The following EPHB1 variants were observed in gnomAD, a reference collection of about 807,000 sequenced individuals.
EPHB1 encodes the protein EPH receptor B1.
In EPHB1, 30 loss-of-function variants were observed where a neutral mutation model predicts 94.4. The ratio of observed to expected loss-of-function variants is 0.32; its 90% confidence interval spans 0.24 to 0.43. The LOEUF is 0.43. Among genes scored for constraint, EPHB1 ranks in the 20% least tolerant of loss-of-function variants. The pLI is 1.00. For synonymous variants in EPHB1, 522 were observed against 489.1 expected, an observed-to-expected ratio of 1.07 and a Z score of -0.89; for missense variants, 1,055 against 1,308.3, an observed-to-expected ratio of 0.81 and a Z score of 2.99.
At chr3:135,148,003 C>A (rs72979522) in intron 5 of EPHB1, among the ~76,000 whole-genome samples, 1 of 152,140 alleles carries the variant, frequency 6.6e-6, no homozygotes, top group Non-Finnish European at 1.5e-5. Context: ...AGTGTATGTA[C>A]GTTAATTTTA....
intron 1 of EPHB1, among the ~76,000 whole-genome samples, chr3:134,869,711 TTAGC>T (rs2037458912): frequency 6.6e-6 from 1 of 151,620 alleles, no homozygotes; most frequent in Non-Finnish European, 1.5e-5. Flanking sequence ...TTCTGATCTT[TTAGC>T]TTTGTCTTAC....
At chr3:134,928,565 A>C (rs556163446) in intron 2 of EPHB1, among the ~76,000 whole-genome samples, 1 of 152,324 alleles carries the variant, frequency 6.6e-6, no homozygotes, top group African/African-American at 2.4e-5. Flanking sequence ...CAGAGGACAC[A>C]GGAGGAGGAG....
intron 3 of EPHB1, among the ~76,000 whole-genome samples, chr3:135,037,009 AAGAT>A (rs1269085198): frequency 2.0e-5 from 3 of 152,082 alleles, no homozygotes. Context: ...GACTACCGAG[AAGAT>A]AGATGGATTG....
chr3:135,149,774 G>A (rs746368565), intron 5 of EPHB1, among the ~76,000 whole-genome samples: 7 of 152,186 alleles, frequency 4.6e-5, no homozygotes, highest in Non-Finnish European at 1.0e-4. Context: ...CTTCCACAGG[G>A]CCTGTAACCC....
At chr3:134,952,371 TCACACACA>T in intron 3 of EPHB1, among the ~76,000 whole-genome samples, 1 of 148,310 alleles carries the variant, frequency 6.7e-6, no homozygotes, top group East Asian at 2.0e-4. Context: ...TCTCTCTCTC[TCACACACA>T]CACACACACA....
At chr3:135,234,292 G>A (rs1943599236) in intron 12 of EPHB1, among the ~76,000 whole-genome samples, 1 of 152,154 alleles carries the variant, frequency 6.6e-6, no homozygotes, top group African/African-American at 2.4e-5. Context: ...CTAAAGCACA[G>A]CAAAAGTCAC....
At chr3:134,950,147 A>G (rs1057196884) in intron 2 of EPHB1, among the ~76,000 whole-genome samples, 7 of 152,234 alleles carry the variant, frequency 4.6e-5, no homozygotes, top group African/African-American at 9.6e-5. Context: ...AGTTGCTGGG[A>G]ATAGTGAAAG....
Position 135,039,614 on chromosome 3 carries a change from C to T in EPHB1, c.806-66834C>T, listed in dbSNP as rs531126300. The stretch of plus-strand genomic sequence containing the variant: ...AGGCCCGGCGAGAAATCGAGCACAG[C>T]GCCAGTGGGCCGGCACTGCTGGTGG... On this transcript the variant is annotated intron_variant, in intron 3 of 15. Transcript: ENST00000398015. 3.4e-4 allele frequency among the ~76,000 whole-genome samples: 52 copies of T among 152,352 alleles called. No homozygotes were observed. The Middle Eastern group carries it at 0.01, about 30-fold the overall frequency.
intron 3 of EPHB1, among the ~76,000 whole-genome samples, chr3:134,995,575 A>G (rs1425407106): frequency 6.6e-6 from 1 of 152,232 alleles, no homozygotes; most frequent in Non-Finnish European, 1.5e-5. Flanking sequence ...ATTAAGACAA[A>G]TGCAAATTAA....
At chr3:134,999,502 G>A (rs1935106479) in intron 3 of EPHB1, among the ~76,000 whole-genome samples, 1 of 152,216 alleles carries the variant, frequency 6.6e-6, no homozygotes, top group Non-Finnish European at 1.5e-5. Context: ...CAAGGAAAGT[G>A]CAGGTGACTT....
At chr3:135,124,096 G>A (rs1347092869) in intron 4 of EPHB1, among the ~76,000 whole-genome samples, 2 of 151,712 alleles carry the variant, frequency 1.3e-5, no homozygotes, top group Non-Finnish European at 2.9e-5. Context: ...TCTACTTCTT[G>A]ATTGTTATAT....
At chr3:134,810,481 G>A (rs552294526) in intron 1 of EPHB1, among the ~76,000 whole-genome samples, 1 of 152,270 alleles carries the variant, frequency 6.6e-6, no homozygotes, top group East Asian at 1.9e-4. Context: ...AAAGGACAAT[G>A]AGAACAACGC....
chr3:134,936,290 T>G (rs1349060813), intron 2 of EPHB1, among the ~76,000 whole-genome samples: 1 of 151,878 alleles, frequency 6.6e-6, no homozygotes, highest in Non-Finnish European at 1.5e-5. Flanking sequence ...AGGAGGTGGT[T>G]TGGGGAAGTG....
intron 3 of EPHB1, among the ~76,000 whole-genome samples, chr3:135,093,808 A>T (rs967170731): frequency 1.3e-5 from 2 of 152,234 alleles, no homozygotes; most frequent in Non-Finnish European, 2.9e-5. Context: ...AAAGATTTTT[A>T]AAATGTGCAT....
At chr3:135,002,873 C>T (rs1359570564) in intron 3 of EPHB1, among the ~76,000 whole-genome samples, 20 of 151,718 alleles carry the variant, frequency 1.3e-4, no homozygotes, top group South Asian at 1.0e-3. Context: ...GTCTTGCTAG[C>T]GGTCTATCAA....
At chr3:134,872,704 T>C (rs1254548836) in intron 1 of EPHB1, among the ~76,000 whole-genome samples, 1 of 152,210 alleles carries the variant, frequency 6.6e-6, no homozygotes, top group Non-Finnish European at 1.5e-5. Flanking sequence ...TCAATGTCTT[T>C]CCATAAATTA....
At chr3:134,798,381 G>A (rs1305126936) in intron 1 of EPHB1, among the ~76,000 whole-genome samples, 1 of 152,164 alleles carries the variant, frequency 6.6e-6, no homozygotes, top group Non-Finnish European at 1.5e-5. Context: ...GGGCAGAGGA[G>A]GGGAGGGGAG....
chr3:135,184,856 G>A (rs934037477), intron 10 of EPHB1, among the ~76,000 whole-genome samples: 2 of 152,210 alleles, frequency 1.3e-5, no homozygotes, highest in Non-Finnish European at 1.5e-5. Flanking sequence ...CTGACTAATA[G>A]GCATCATGTC....
intron 1 of EPHB1, among the ~76,000 whole-genome samples, chr3:134,863,962 G>A (rs79925215): frequency 0.042 from 6,353 of 152,270 alleles, 400 homozygotes; most frequent in African/African-American, 0.15. Flanking sequence ...GCTGGTGATG[G>A]TGGGGTTCAG....
Sources: gnomAD v4.1 joint callset for allele counts (sites outside exome capture counted in the v4.1 genomes callset) on GRCh38, gnomAD v4.1.1 for gene constraint, MANE v1.5 for transcripts, NCBI Gene and HGNC (gene_info 2026-07-23, HGNC 2026-07-21) for gene names.